Variants in EIF4ENIF1 observed in about 807,000 individuals in gnomAD.
EIF4ENIF1 encodes eukaryotic translation initiation factor 4E nuclear import factor 1, also known as eukaryotic translation initiation factor 4E transporter.
Under a neutral mutation model 110.5 loss-of-function variants are expected in EIF4ENIF1, and 23 were observed. The ratio of observed to expected loss-of-function variants is 0.21; its 90% CI spans 0.15 to 0.29. EIF4ENIF1 has a LOEUF of 0.29. EIF4ENIF1 is among the 10% of genes least tolerant of loss of function. The probability of loss-of-function intolerance (pLI) is 1.00; values close to 1 mark genes in which losing one functional copy is unlikely to be tolerated. For synonymous variants in EIF4ENIF1, 440 were observed against 437.0 expected (o/e 1.01, Z -0.09); for missense variants, 1,031 against 1,221.1 (o/e 0.84, Z 2.32).
downstream of EIF4ENIF1, among the ~76,000 whole-genome samples, chr22:31,438,144 C>T (rs1423749048): frequency 1.3e-5 from 2 of 152,148 alleles, no homozygotes; most frequent in Non-Finnish European, 2.9e-5. Context: ...TGACCTTTAC[C>T]TCATTATCTG....
chr22:31,472,952 C>G (rs143047734), intron 2 of EIF4ENIF1, among the ~76,000 whole-genome samples: 120 of 152,180 alleles, frequency 7.9e-4, no homozygotes, highest in Middle Eastern at 3.4e-3. Context: ...TATAACCAAC[C>G]TCTTTGTATT....
rs764752187 is a variant in EIF4ENIF1, at chr22:31,458,655, A to G, written c.788-5T>C. ...CTCCATTGCACTCTACTATACCTGA[A>G]AGCAAAACCAGGACAAAAACCGTCT... On this transcript the variant is annotated splice_polypyrimidine_tract_variant and splice_region_variant and intron_variant, in intron 6 of 18. Coordinates refer to ENST00000330125, the MANE Select transcript of EIF4ENIF1 (RefSeq NM_019843.4). 1.9e-6 allele frequency: 3 copies of G among 1,568,120 alleles called. No homozygotes were observed. The highest frequency in any genetic ancestry group is 2.6e-6 in the Non-Finnish European group (3 of 1,153,500).
chr22:31,487,788 G>A (rs1403440289), intron 2 of EIF4ENIF1, among the ~76,000 whole-genome samples: 16 of 140,580 alleles, frequency 1.1e-4, no homozygotes, highest in Non-Finnish European at 2.3e-4. Flanking sequence ...ACGCCCTGTC[G>A]GGTGCAAAAA....
chr22:31,468,405 C>G, intron 3 of EIF4ENIF1, 103 bp from the exon 4 acceptor site: 1 of 1,523,082 alleles, frequency 6.6e-7, no homozygotes, highest in Non-Finnish European at 8.9e-7. Context: ...ACCCATTTCT[C>G]CTTTTTTGAG....
At chr22:31,485,522 G>C (rs189363737) in intron 2 of EIF4ENIF1, among the ~76,000 whole-genome samples, 2 of 152,298 alleles carry the variant, frequency 1.3e-5, no homozygotes, top group African/African-American at 2.4e-5. Flanking sequence ...CTACTGGTTA[G>C]AACTTTAGTG....
At chr22:31,453,719 G>A (rs978225832) in intron 10 of EIF4ENIF1, among the ~76,000 whole-genome samples, 1 of 152,038 alleles carries the variant, frequency 6.6e-6, no homozygotes, top group African/African-American at 2.4e-5. Flanking sequence ...CAAGAATGCA[G>A]GTAATCCCTG....
chr22:31,440,613 G>T, intron 18 of EIF4ENIF1, 91 bp downstream of exon 18: 1 of 1,419,282 alleles, frequency 7.0e-7, no homozygotes, highest in Non-Finnish European at 9.6e-7. Flanking sequence ...AAGAATGAAA[G>T]TGTTAATTCA....
At chr22:31,493,537 G>T (rs1024919704), upstream of EIF4ENIF1, among the ~76,000 whole-genome samples, 4 of 152,128 alleles carry the variant, frequency 2.6e-5, no homozygotes, top group Non-Finnish European at 5.9e-5. Context: ...TGTTGGCCAG[G>T]CTGGTCTGAA....
At chr22:31,458,388 T>C (rs1225846737) in intron 7 of EIF4ENIF1, 87 bp downstream of exon 7, 2 of 1,221,070 alleles carry the variant, frequency 1.6e-6, no homozygotes, top group Non-Finnish European at 2.2e-6. Context: ...CCCAAAAGCA[T>C]CTAGCAAAAC....
chr22:31,452,466 C>A (rs2050702643), intron 10 of EIF4ENIF1, among the ~76,000 whole-genome samples: 1 of 152,148 alleles, frequency 6.6e-6, no homozygotes, highest in Non-Finnish European at 1.5e-5. Context: ...GCTAAAACCC[C>A]AACATCAAAC....
chr22:31,450,168 C>A (rs1250306639), intron 11 of EIF4ENIF1, 121 bp downstream of exon 11: 5 of 749,210 alleles, frequency 6.7e-6, no homozygotes, highest in Non-Finnish European at 2.3e-6. Flanking sequence ...ACAATATCAC[C>A]TCTCTGATTG....
intron 6 of EIF4ENIF1, among the ~76,000 whole-genome samples, chr22:31,459,430 T>G (rs1040649186): frequency 1.3e-5 from 2 of 152,192 alleles, no homozygotes; most frequent in East Asian, 1.9e-4. Context: ...ACAGGTTGGT[T>G]GTTGTAGCTC....
At chr22:31,488,255 T>C (rs934943918) in intron 2 of EIF4ENIF1, among the ~76,000 whole-genome samples, 4 of 152,104 alleles carry the variant, frequency 2.6e-5, no homozygotes, top group Non-Finnish European at 4.4e-5. Flanking sequence ...GAAACATCAA[T>C]ACAGAGGACA....
Position 31,463,857 on chromosome 22 carries a change from C to G in EIF4ENIF1, c.409G>C (p.Gly137Arg). Reference sequence around the variant, plus strand: ...TCACTATCTTTCTCTAATGGACTTCCTGAGCGCCGGGAGCTAACAGCGGCT... The same window carrying G: ...TCACTATCTTTCTCTAATGGACTTCGTGAGCGCCGGGAGCTAACAGCGGCT... ...VTAAVSSRRS[G>R]SPLEKDSDGL... is the part of the protein sequence containing the mutation. Residue 137 changes from glycine (G) to arginine (R), a missense_variant, in exon 5 of 19, where the codon GGA (glycine) becomes CGA (arginine). Gly to Arg is a moderately radical substitution (Grantham distance 125). This residue lies in a region of EIF4ENIF1 where 704 missense variants were observed against 879.7 expected (regional missense o/e 0.80). Transcript: ENST00000330125. The G allele has an allele frequency of 1.2e-6, 2 of 1,614,072 alleles. No individual in the cohort carries two copies. Among genetic ancestry groups the G allele is most frequent in the Non-Finnish European group, 1.7e-6 (2 of 1,180,026 alleles).
intron 9 of EIF4ENIF1, 36 bp from the exon 10 acceptor site, chr22:31,454,412 A>G (rs1361230271): frequency 6.4e-7 from 1 of 1,562,724 alleles, no homozygotes; most frequent in East Asian, 2.2e-5. Flanking sequence ...AAATCAAGCA[A>G]AGAGATATCT....
chr22:31,485,723 G>C (rs982823708), intron 2 of EIF4ENIF1, among the ~76,000 whole-genome samples: 1 of 152,064 alleles, frequency 6.6e-6, no homozygotes, highest in African/African-American at 2.4e-5. Context: ...AGAATTGCTT[G>C]AACCCGGGAA....
intron 4 of EIF4ENIF1, among the ~76,000 whole-genome samples, chr22:31,467,850 G>A (rs748116195): frequency 2.0e-5 from 3 of 151,974 alleles, no homozygotes; most frequent in Non-Finnish European, 4.4e-5. Flanking sequence ...CCGGAGGACT[G>A]GTCTCACATA....
chr22:31,488,749 G>C lies in EIF4ENIF1; in HGVS notation c.-27-4C>G, dbSNP rs1458218237. ...CTTGGTCTACAATGCTCTGCACCTG[G>C]AAGATAAATCGGCACAAAATTGTCA... On this transcript the variant is annotated splice_region_variant and splice_polypyrimidine_tract_variant and intron_variant, in intron 1 of 18. Transcript: ENST00000330125. 1 of 1,598,102 alleles carries C rather than the reference G, an allele frequency of 6.3e-7. No individual in the cohort carries two copies. Among genetic ancestry groups the C allele is most frequent in the African/African-American group, 1.4e-5 (1 of 74,002 alleles).
chr22:31,474,693 A>G (rs1054854620), intron 2 of EIF4ENIF1, among the ~76,000 whole-genome samples: 2 of 152,016 alleles, frequency 1.3e-5, no homozygotes, highest in Non-Finnish European at 2.9e-5. Context: ...ACTTACATAT[A>G]CACACATATA....
Sources: allele counts gnomAD v4.1 joint callset (sites outside exome capture counted in the v4.1 genomes callset), GRCh38; gene constraint gnomAD v4.1.1; regional missense constraint gnomAD v4.1.1; transcripts MANE v1.5; gene names NCBI Gene and HGNC (gene_info 2026-07-23, HGNC 2026-07-21).